Variants in PTPRD observed in about 807,000 individuals in gnomAD.
PTPRD encodes the protein protein tyrosine phosphatase receptor type D.
Under a neutral mutation model 214.5 loss-of-function variants are expected in PTPRD, and 34 were observed. That is an observed-to-expected ratio of 0.16 (90% CI 0.12 to 0.21). PTPRD has a LOEUF of 0.21. Ranked by LOEUF, PTPRD falls within the 10% of genes least tolerant of loss-of-function variation. PTPRD has a pLI of 1.00. For missense variants in PTPRD, 2,545 were observed against 2,398.7 expected (o/e 1.06, Z -1.27); for synonymous variants, 1,128 against 845.7 (o/e 1.33, Z -5.79).
intron 4 of PTPRD, among the ~76,000 whole-genome samples, chr9:9,943,445 G>C (rs1603233481): frequency 6.6e-6 from 1 of 152,172 alleles, no homozygotes; most frequent in East Asian, 1.9e-4. Context: ...CAAAATATTT[G>C]AAATACTATG....
chr9:8,480,681 C>T (rs1490817591), intron 30 of PTPRD, among the ~76,000 whole-genome samples: 1 of 152,106 alleles, frequency 6.6e-6, no homozygotes, highest in East Asian at 1.9e-4. Context: ...AATTATATTT[C>T]AATAAAGTGG....
chr9:9,864,075 T>C (rs146589000), intron 5 of PTPRD, among the ~76,000 whole-genome samples: 3,771 of 152,156 alleles, frequency 0.025, 56 homozygotes, highest in African/African-American at 0.045. Flanking sequence ...GAGGCCGAAG[T>C]GGGTGGAACA....
chr9:9,246,225 T>G (rs767293110), intron 9 of PTPRD, among the ~76,000 whole-genome samples: 13 of 152,092 alleles, frequency 8.5e-5, no homozygotes, highest in Admixed American at 2.6e-4. Flanking sequence ...GGCTGGATCC[T>G]GAATGTTTTT....
rs951473582 is a variant in PTPRD, at chr9:9,324,202, C to T, written c.-203+73247G>A. On this transcript the variant is annotated intron_variant, in intron 9 of 45. Coordinates refer to ENST00000381196, the MANE Select transcript of PTPRD (RefSeq NM_002839.4). ...TGATTTACAATCCTTTGGGTATACA[C>T]GCAGTAATGGGATGGCTGGGTCAAA... 7.2e-5 allele frequency among the ~76,000 whole-genome samples: 11 copies of T among 152,248 alleles called. No homozygotes were observed. In the South Asian group the frequency reaches 1.0e-3, roughly 14 times the overall value.
chr9:8,683,360 C>G (rs2097591055), intron 12 of PTPRD, among the ~76,000 whole-genome samples: 1 of 150,360 alleles, frequency 6.7e-6, no homozygotes, highest in Admixed American at 6.6e-5. Flanking sequence ...ATAAGCCTCT[C>G]TCTTTCATGG....
chr9:9,054,982 C>G (rs1197320275), intron 10 of PTPRD, among the ~76,000 whole-genome samples: 1 of 152,060 alleles, frequency 6.6e-6, no homozygotes, highest in African/African-American at 2.4e-5. Context: ...CCCCATCTAC[C>G]AGTCACAAAA....
Position 9,230,221 on chromosome 9 carries a change from C to T in PTPRD, c.-202-46858G>A, listed in dbSNP as rs117154542. Among the ~76,000 whole-genome samples, 84 of 151,826 alleles carry T rather than the reference C, an allele frequency of 5.5e-4. 1 individual carries two copies. The East Asian group carries it at 0.013, about 23-fold the overall frequency. On this transcript the variant is annotated intron_variant, in intron 9 of 45. Transcript: ENST00000381196. ...TAGATAACTTCAGAATGGGGCGGTT[C>T]GACAGAAAGACTGAATGATTAGAAT...
chr9:8,671,691 A>C (rs145468442), intron 12 of PTPRD, among the ~76,000 whole-genome samples: 1 of 152,316 alleles, frequency 6.6e-6, no homozygotes, highest in East Asian at 1.9e-4. Flanking sequence ...TAGACCTAAA[A>C]AGAAATCTCC....
At chr9:9,639,534 G>A (rs2095871027) in intron 7 of PTPRD, among the ~76,000 whole-genome samples, 2 of 152,086 alleles carry the variant, frequency 1.3e-5, no homozygotes, top group South Asian at 4.1e-4. Flanking sequence ...TTAGTACTAG[G>A]CAAAATTGTT....
intron 12 of PTPRD, among the ~76,000 whole-genome samples, chr9:8,709,213 T>A (rs1353340623): frequency 2.0e-5 from 3 of 152,018 alleles, no homozygotes; most frequent in African/African-American, 7.2e-5. Context: ...GATACTGCAT[T>A]CTTCAAAAAT....
chr9:9,404,878 G>A (rs1282989956), intron 8 of PTPRD, among the ~76,000 whole-genome samples: 1 of 152,052 alleles, frequency 6.6e-6, no homozygotes. Context: ...TGTGCTAGAT[G>A]GGATGGTTTA....
intron 7 of PTPRD, among the ~76,000 whole-genome samples, chr9:9,589,129 C>T (rs2154323621): frequency 6.6e-6 from 1 of 151,962 alleles, no homozygotes; most frequent in East Asian, 1.9e-4. Flanking sequence ...ATATTTGTTT[C>T]TAAATGTATG....
chr9:9,432,620 AC>A (rs2083634947), intron 8 of PTPRD, among the ~76,000 whole-genome samples: 1 of 152,168 alleles, frequency 6.6e-6, no homozygotes, highest in Non-Finnish European at 1.5e-5. Context: ...AACAGTGCAG[AC>A]CCATGCCTCT....
At chr9:9,414,899 T>C (rs1308574852) in intron 8 of PTPRD, 1 of 152,208 alleles carries the variant, frequency 6.6e-6, no homozygotes, top group African/African-American at 2.4e-5. Flanking sequence ...AATTACCTGC[T>C]GGCCAACATT....
chr9:9,392,426 TG>T (rs1342289425), intron 9 of PTPRD, among the ~76,000 whole-genome samples: 2 of 152,192 alleles, frequency 1.3e-5, no homozygotes, highest in African/African-American at 4.8e-5. Flanking sequence ...TATTTGGGTT[TG>T]GTCTTGAGGA....
At chr9:8,826,448 T>C (rs539783612) in intron 11 of PTPRD, among the ~76,000 whole-genome samples, 2 of 152,268 alleles carry the variant, frequency 1.3e-5, no homozygotes, top group East Asian at 1.9e-4. Context: ...TAATCACTTT[T>C]GACTCACCCA....
rs73641286 is a variant in PTPRD at position 9,276,012 on chromosome 9, C to T, written c.-202-92649G>A. ...ACCGAATTTATTATAACAAATTTCT[C>T]GGGATAATAAAAGACATCATCTCAG... is the stretch of plus-strand genomic sequence containing the variant. On this transcript the variant is annotated intron_variant, in intron 9 of 45. Coordinates refer to ENST00000381196, the MANE Select transcript of PTPRD (RefSeq NM_002839.4). 2.2e-3 allele frequency among the ~76,000 whole-genome samples: 326 copies of T among 151,330 alleles called. 3 individuals are homozygous for T. Among genetic ancestry groups the T allele is most frequent in the African/African-American group, 7.4e-3 (305 of 41,388 alleles).
intron 5 of PTPRD, among the ~76,000 whole-genome samples, chr9:9,810,671 A>G (rs920338773): frequency 6.6e-6 from 1 of 151,726 alleles, no homozygotes; most frequent in Non-Finnish European, 1.5e-5. Flanking sequence ...ATAGTAACCT[A>G]AAGAGCTCTC....
intron 3 of PTPRD, among the ~76,000 whole-genome samples, chr9:10,191,673 G>C (rs2099364165): frequency 6.6e-6 from 1 of 152,108 alleles, no homozygotes; most frequent in African/African-American, 2.4e-5. Context: ...TCAGAGGGTT[G>C]CTTAGTGACC....
Sources: allele counts gnomAD v4.1 joint callset (sites outside exome capture counted in the v4.1 genomes callset), GRCh38; gene constraint gnomAD v4.1.1; transcripts MANE v1.5; gene names NCBI Gene and HGNC (gene_info 2026-07-23, HGNC 2026-07-21).